PPFIBP2: variants seen among roughly 807,000 people sequenced by gnomAD.
The protein encoded by PPFIBP2 is liprin-beta-2.
Under a neutral mutation model 118.3 loss-of-function variants are expected in PPFIBP2, and 118 were observed. That is an observed-to-expected ratio of 1.00 (90% CI 0.86 to 1.16). The LOEUF (loss-of-function observed/expected upper bound fraction) is 1.16, where lower values mean the gene tolerates loss of function less well. PPFIBP2 is among the 50% of genes most tolerant of loss of function. The probability of loss-of-function intolerance (pLI) is 0.00; values close to 1 mark genes in which losing one functional copy is unlikely to be tolerated. For missense variants in PPFIBP2, 1,195 were observed against 1,073.1 expected, an observed-to-expected ratio of 1.11 and a Z score of -1.59; for synonymous variants, 414 against 397.4, an observed-to-expected ratio of 1.04 and a Z score of -0.50.
chr11:7,562,408 G>A (rs146664272), intron 2 of PPFIBP2, among the ~76,000 whole-genome samples: 6 of 152,356 alleles, frequency 3.9e-5, no homozygotes, highest in African/African-American at 1.4e-4. Context: ...CCCCCAGAGT[G>A]AGTGGCCTGA....
At chr11:7,546,134 T>C (rs574280779) in intron 1 of PPFIBP2, among the ~76,000 whole-genome samples, 2 of 152,312 alleles carry the variant, frequency 1.3e-5, no homozygotes, top group East Asian at 1.9e-4. Context: ...CCTATGTATC[T>C]CTTCCATTTG....
chr11:7,659,254 C>A (rs1282745761), downstream of PPFIBP2, among the ~76,000 whole-genome samples: 3 of 149,866 alleles, frequency 2.0e-5, no homozygotes, highest in African/African-American at 7.4e-5. Context: ...CCTAGGTTTT[C>A]TTCTAGGGTT....
intron 6 of PPFIBP2, among the ~76,000 whole-genome samples, chr11:7,618,885 GTT>G (rs36101082): frequency 0.35 from 43,052 of 124,346 alleles, 5,622 homozygotes; most frequent in East Asian, 0.51. Context: ...CCATCCAGAA[GTT>G]TTTTTTTTTT....
intron 3 of PPFIBP2, among the ~76,000 whole-genome samples, chr11:7,587,113 C>T (rs1460705489): frequency 1.3e-5 from 2 of 152,206 alleles, no homozygotes; most frequent in African/African-American, 4.8e-5. Flanking sequence ...CATTCCCTGT[C>T]TTAACCTTTT....
chr11:7,534,363 A>AG (rs1489284041), intron 1 of PPFIBP2, among the ~76,000 whole-genome samples: 1 of 152,172 alleles, frequency 6.6e-6, no homozygotes, highest in Admixed American at 6.5e-5. Context: ...ATTATTTTTT[A>AG]GGGGGGCAAT....
intron 1 of PPFIBP2, among the ~76,000 whole-genome samples, chr11:7,546,999 C>T (rs989893116): frequency 2.0e-5 from 3 of 152,190 alleles, no homozygotes; most frequent in Non-Finnish European, 2.9e-5. Context: ...TGGATCTGTC[C>T]ATTTATTCAT....
intron 6 of PPFIBP2, among the ~76,000 whole-genome samples, chr11:7,618,228 A>G (rs1479280931): frequency 1.3e-5 from 2 of 152,220 alleles, no homozygotes; most frequent in African/African-American, 2.4e-5. Context: ...ATGTAAATGT[A>G]GACTTGGATA....
At chr11:7,630,461 G>C (rs1379101855) in intron 10 of PPFIBP2, among the ~76,000 whole-genome samples, 1 of 152,186 alleles carries the variant, frequency 6.6e-6, no homozygotes, top group Non-Finnish European at 1.5e-5. Context: ...ACAGGCACTG[G>C]CCACTATACC....
chr11:7,646,657 C>G (rs1853112714), intron 17 of PPFIBP2, among the ~76,000 whole-genome samples: 2 of 152,098 alleles, frequency 1.3e-5, no homozygotes, highest in Non-Finnish European at 2.9e-5. Flanking sequence ...CCCAGGAGCT[C>G]AAGGCTGTAA....
chr11:7,522,049 G>T (rs1314600586), intron 1 of PPFIBP2, among the ~76,000 whole-genome samples: 1 of 152,174 alleles, frequency 6.6e-6, no homozygotes, highest in Non-Finnish European at 1.5e-5. Flanking sequence ...AAAAGACGTG[G>T]TAAAACTGTT....
intron 1 of PPFIBP2, among the ~76,000 whole-genome samples, chr11:7,515,049 A>G (rs75137218): frequency 6.6e-6 from 1 of 152,206 alleles, no homozygotes; most frequent in Non-Finnish European, 1.5e-5. Context: ...CAACTACAGA[A>G]AAGTAGTTGG....
chr11:7,626,237 T>C (rs1228732372), intron 8 of PPFIBP2, among the ~76,000 whole-genome samples: 1 of 152,232 alleles, frequency 6.6e-6, no homozygotes, highest in Admixed American at 6.5e-5. Context: ...AAGGCCTTAC[T>C]TTTGTGTCAT....
chr11:7,596,734 G>C (rs1860389559), intron 4 of PPFIBP2, among the ~76,000 whole-genome samples: 1 of 152,082 alleles, frequency 6.6e-6, no homozygotes, highest in Non-Finnish European at 1.5e-5. Flanking sequence ...CTTCACTTTG[G>C]GGAGGACACT....
intron 22 of PPFIBP2, 96 bp from the exon 23 acceptor site, chr11:7,651,560 G>A (rs1854006388): frequency 8.8e-7 from 1 of 1,139,882 alleles, no homozygotes; most frequent in Admixed American, 2.2e-5. Context: ...CTCCTCTGGA[G>A]GCACCCCCAG....
chr11:7,579,196 C>T (rs1856895459), intron 3 of PPFIBP2, among the ~76,000 whole-genome samples: 1 of 152,100 alleles, frequency 6.6e-6, no homozygotes, highest in African/African-American at 2.4e-5. Flanking sequence ...TTAACAAAGC[C>T]CAAGAGGGGC....
chr11:7,596,389 GTTT>G (rs58915783), intron 4 of PPFIBP2, among the ~76,000 whole-genome samples: 50,452 of 139,124 alleles, frequency 0.36, 8,656 homozygotes, highest in East Asian at 0.48. Flanking sequence ...GCCCGTTCTT[GTTT>G]TTTTTTTTTT....
intron 7 of PPFIBP2, among the ~76,000 whole-genome samples, chr11:7,624,222 G>GA (rs1849688865): frequency 6.6e-6 from 1 of 152,196 alleles, no homozygotes; most frequent in Non-Finnish European, 1.5e-5. Context: ...CCCTGACATT[G>GA]GAGCAGGCAG....
intron 5 of PPFIBP2, among the ~76,000 whole-genome samples, chr11:7,602,798 G>T (rs1365476088): frequency 6.6e-6 from 1 of 152,126 alleles, no homozygotes; most frequent in Non-Finnish European, 1.5e-5. Flanking sequence ...TTTTAGGTGA[G>T]GTTGGGGAGT....
intron 21 of PPFIBP2, 98 bp downstream of exon 21, chr11:7,649,752 T>C: frequency 6.6e-7 from 1 of 1,518,774 alleles, no homozygotes; most frequent in Non-Finnish European, 9.0e-7. Flanking sequence ...AAGCACTGTT[T>C]TTTGCACCAT....
Sources: gnomAD v4.1 joint callset for allele counts (sites outside exome capture counted in the v4.1 genomes callset) on GRCh38, gnomAD v4.1.1 for gene constraint, MANE v1.5 for transcripts, NCBI Gene and HGNC (gene_info 2026-07-23, HGNC 2026-07-21) for gene names.